PARD3B: variants seen among roughly 807,000 people sequenced by gnomAD.
The protein encoded by PARD3B is partitioning defective 3 homolog B.
A neutral mutation model predicts 130.2 loss-of-function variants in PARD3B; 103 were observed. The ratio of observed to expected loss-of-function variants is 0.79; its 90% CI spans 0.67 to 0.93. The LOEUF (loss-of-function observed/expected upper bound fraction) is 0.93, where lower values mean the gene tolerates loss of function less well. PARD3B is among the 40% of genes least tolerant of loss of function. The probability of loss-of-function intolerance (pLI) is 0.00; values close to 1 mark genes in which losing one functional copy is unlikely to be tolerated. For missense variants in PARD3B, 1,609 were observed against 1,499.2 expected (o/e 1.07, Z -1.21); for synonymous variants, 583 against 553.2 (o/e 1.05, Z -0.76).
chr2:205,249,264 T>G (rs954209857), intron 16 of PARD3B, among the ~76,000 whole-genome samples: 5 of 151,562 alleles, frequency 3.3e-5, no homozygotes, highest in Non-Finnish European at 7.4e-5. Flanking sequence ...TTTTATACTA[T>G]CCAAGACCAA....
At chr2:204,839,904 A>G (rs1267679816) in intron 2 of PARD3B, among the ~76,000 whole-genome samples, 1 of 152,184 alleles carries the variant, frequency 6.6e-6, no homozygotes, top group African/African-American at 2.4e-5. Flanking sequence ...TTAATGTGTA[A>G]GAGACTTGTC....
intron 2 of PARD3B, among the ~76,000 whole-genome samples, chr2:204,949,493 T>A (rs930366827): frequency 6.6e-5 from 10 of 151,962 alleles, no homozygotes; most frequent in East Asian, 1.9e-4. Flanking sequence ...AATTTTTTTT[T>A]AAATTTCCTG....
At chr2:205,368,438 G>C (rs1469517571) in intron 18 of PARD3B, among the ~76,000 whole-genome samples, 1 of 152,096 alleles carries the variant, frequency 6.6e-6, no homozygotes, top group Non-Finnish European at 1.5e-5. Context: ...TTTAAGACCA[G>C]CCTGGCCAAG....
In PARD3B at chr2:205,158,703, A is replaced by T. The variant is rs758127756; in HGVS notation, c.1435-19A>T. On this transcript the variant is annotated intron_variant, in intron 10 of 22. Transcript: ENST00000406610. This position sits in a 1 kb window ranked among gnomAD's most constrained non-coding sequence, Gnocchi z 5.4. ...CTGCTTTCTTCTCTTCACTCTTTTC[A>T]TGTGTATTCCCCTAACAGAAAGGAG... The T allele has an allele frequency of 3.8e-6, 6 of 1,590,062 alleles. No individual in the cohort carries two copies. The highest frequency in any genetic ancestry group is 4.3e-6 in the Non-Finnish European group (5 of 1,165,802).
Position 205,604,454 on chromosome 2 carries a change from G to A in PARD3B, c.3261-11002G>A, listed in dbSNP as rs181103329. Among the ~76,000 whole-genome samples, 103 of 152,308 alleles carry A rather than the reference G, an allele frequency of 6.8e-4. No individual in the cohort carries two copies. The South Asian group carries it at 8.1e-3, about 12-fold the overall frequency. ...ACTATCATGAGAACAGCATGGGAAAGACTTGCCCCCATTATTCAATTACCT... is the reference window on the plus strand; with the variant it reads ...ACTATCATGAGAACAGCATGGGAAAAACTTGCCCCCATTATTCAATTACCT... On this transcript the variant is annotated intron_variant, in intron 22 of 22. Transcript: ENST00000406610.
chr2:205,419,191 G>A (rs2046880044), intron 19 of PARD3B, among the ~76,000 whole-genome samples: 1 of 152,058 alleles, frequency 6.6e-6, no homozygotes, highest in Admixed American at 6.6e-5. Context: ...ATGGGGGTGG[G>A]TCTTTCCTGT....
chr2:205,507,366 C>A (rs1438519829), intron 21 of PARD3B, among the ~76,000 whole-genome samples: 1 of 151,826 alleles, frequency 6.6e-6, no homozygotes, highest in African/African-American at 2.4e-5. Flanking sequence ...AGGCACCCAC[C>A]ACCACGCCCG....
intron 3 of PARD3B, among the ~76,000 whole-genome samples, chr2:204,974,896 T>C (rs1692013885): frequency 6.6e-6 from 1 of 152,220 alleles, no homozygotes; most frequent in South Asian, 2.1e-4. Flanking sequence ...ATTAAAAGCA[T>C]TGTGCTAGGC....
At chr2:205,069,474 T>C (rs1031820686) in intron 4 of PARD3B, among the ~76,000 whole-genome samples, 2 of 152,134 alleles carry the variant, frequency 1.3e-5, no homozygotes, top group African/African-American at 2.4e-5. Flanking sequence ...CTGACCACCA[T>C]TGAAGTGACA....
At chr2:204,602,308 C>T (rs1001364234) in intron 1 of PARD3B, among the ~76,000 whole-genome samples, 7 of 151,992 alleles carry the variant, frequency 4.6e-5, no homozygotes, top group African/African-American at 1.4e-4. Context: ...AGGTGTGTCT[C>T]GTCCAAGATG....
At chr2:205,087,916 C>CA (rs1024392542) in intron 4 of PARD3B, among the ~76,000 whole-genome samples, 2 of 151,448 alleles carry the variant, frequency 1.3e-5, no homozygotes, top group African/African-American at 4.8e-5. Context: ...GAAGTCATAC[C>CA]AAAAAAAATA....
intron 4 of PARD3B, among the ~76,000 whole-genome samples, chr2:205,070,399 T>C (rs1338094938): frequency 6.6e-6 from 1 of 151,946 alleles, no homozygotes; most frequent in Non-Finnish European, 1.5e-5. Context: ...AGTTGCTATG[T>C]CTTTTACATC....
intron 1 of PARD3B, among the ~76,000 whole-genome samples, chr2:204,666,037 C>T (rs2036007989): frequency 6.6e-6 from 1 of 152,156 alleles, no homozygotes; most frequent in Non-Finnish European, 1.5e-5. Flanking sequence ...ATATGATGAT[C>T]TTTTCCATGC....
At position 205,568,234 on chromosome 2, in the gene PARD3B, A is replaced by G. The variant is rs1378944321; in HGVS notation, c.3260+14831A>G. Among the ~76,000 whole-genome samples the G allele has an allele frequency of 1.3e-5, 2 of 152,184 alleles. No homozygotes were observed. The highest frequency in any genetic ancestry group is 2.9e-5 in the Non-Finnish European group (2 of 68,034). On this transcript the variant is annotated intron_variant, in intron 22 of 22. Coordinates refer to ENST00000406610, the MANE Select transcript of PARD3B (RefSeq NM_001302769.2). The surrounding 1 kb of genome is among the most constrained non-coding windows in gnomAD (Gnocchi z 5.3). ...GGTTGCCTTTCGTGAGAGAAAACAT[A>G]TGAGATTAGTAAGATGCCCCAGACA... is the stretch of plus-strand genomic sequence containing the variant.
chr2:204,566,125 T>G (rs1574471877), intron 1 of PARD3B, among the ~76,000 whole-genome samples: 2 of 152,250 alleles, frequency 1.3e-5, no homozygotes, highest in Admixed American at 6.5e-5. Context: ...GTTTCAAGGA[T>G]AAACCATGAG....
At chr2:204,603,995 G>A (rs1201809647) in intron 1 of PARD3B, among the ~76,000 whole-genome samples, 3 of 152,130 alleles carry the variant, frequency 2.0e-5, no homozygotes, top group South Asian at 2.1e-4. Flanking sequence ...CACATAGTAG[G>A]TCCTACCTGC....
intron 2 of PARD3B, among the ~76,000 whole-genome samples, chr2:204,952,519 A>G (rs565673568): frequency 7.2e-5 from 11 of 152,320 alleles, no homozygotes; most frequent in African/African-American, 2.6e-4. Context: ...ATTTTACATC[A>G]TAAACAAAAT....
intron 2 of PARD3B, among the ~76,000 whole-genome samples, chr2:204,848,604 A>T (rs2044564068): frequency 1.3e-5 from 2 of 151,886 alleles, no homozygotes; most frequent in Admixed American, 1.3e-4. Context: ...TGATTGTGCC[A>T]TTGCACACTC....
rs1472386032 is a variant in PARD3B at position 204,998,674 on chromosome 2, G to T, written c.394+33351G>T. ...TACTAAACATTTTTCCATATCCACTGAGGTGGTTAAATGTTTTTCGCTTTT... is the reference window on the plus strand; with the variant it reads ...TACTAAACATTTTTCCATATCCACTTAGGTGGTTAAATGTTTTTCGCTTTT... On this transcript the variant is annotated intron_variant, in intron 3 of 22. Coordinates refer to ENST00000406610, the MANE Select transcript of PARD3B (RefSeq NM_001302769.2). Among the ~76,000 whole-genome samples, 5 of 151,578 alleles carry T rather than the reference G, an allele frequency of 3.3e-5. 1 individual carries two copies. In the South Asian group the frequency reaches 1.0e-3, roughly 32 times the overall value.
Sources: allele counts gnomAD v4.1 joint callset (sites outside exome capture counted in the v4.1 genomes callset), GRCh38; gene constraint gnomAD v4.1.1; non-coding constraint Gnocchi (gnomAD v3.1); transcripts MANE v1.5; gene names NCBI Gene and HGNC (gene_info 2026-07-23, HGNC 2026-07-21).